MXI1: variants seen among roughly 807,000 people sequenced by gnomAD.
MXI1 encodes the protein MAX interactor 1, dimerization protein, also known as max-interacting protein 1.
MXI1 carries 18 observed loss-of-function variants against 36.9 expected under a neutral mutation model. That is an observed-to-expected ratio of 0.49 (90% CI 0.34 to 0.72). MXI1 has a LOEUF of 0.72. Ranked by LOEUF, MXI1 falls within the 30% of genes least tolerant of loss-of-function variation. The probability of loss-of-function intolerance (pLI) is 0.01; values close to 1 mark genes in which losing one functional copy is unlikely to be tolerated. For missense variants in MXI1, 304 were observed against 379.1 expected (o/e 0.80, Z 1.64); for synonymous variants, 160 against 146.7 (o/e 1.09, Z -0.65).
chr10:110,231,789 G>C (rs1855274430), intron 2 of MXI1, among the ~76,000 whole-genome samples: 1 of 152,078 alleles, frequency 6.6e-6, no homozygotes, highest in Non-Finnish European at 1.5e-5. Flanking sequence ...AAAATCTCAA[G>C]GTCTGTCATC....
At chr10:110,234,179 A>G (rs1326471654) in intron 2 of MXI1, among the ~76,000 whole-genome samples, 4 of 152,152 alleles carry the variant, frequency 2.6e-5, no homozygotes, top group Non-Finnish European at 5.9e-5. Context: ...GTTGACTGGA[A>G]GAAAGCTTTC....
At chr10:110,259,460 G>A (rs1856430209) in intron 3 of MXI1, among the ~76,000 whole-genome samples, 1 of 152,030 alleles carries the variant, frequency 6.6e-6, no homozygotes, top group Admixed American at 6.6e-5. Context: ...ATATTGTAAA[G>A]GAATTTGTCC....
chr10:110,238,667 A>G (rs761821547), intron 2 of MXI1, among the ~76,000 whole-genome samples: 6 of 152,116 alleles, frequency 3.9e-5, no homozygotes, highest in Admixed American at 2.6e-4. Context: ...AAATTTGCCA[A>G]TGAAGAACTT....
At chr10:110,284,709 G>T (rs1857380734) in intron 5 of MXI1, 115 bp from the exon 6 acceptor site, 4 of 1,003,146 alleles carry the variant, frequency 4.0e-6, no homozygotes, top group Non-Finnish European at 5.6e-6. Flanking sequence ...AGACATCACT[G>T]ATAATAAGCT....
intron 1 of MXI1, among the ~76,000 whole-genome samples, chr10:110,222,792 C>T (rs967155521): frequency 3.3e-5 from 5 of 152,314 alleles, no homozygotes; most frequent in South Asian, 4.1e-4. Flanking sequence ...TGGGTTCCTC[C>T]GGGCTGAGAC....
Position 110,286,993 on chromosome 10 carries a change from C to G in MXI1, c.*2006C>G, listed in dbSNP as rs1857437748. ...ACTAATGGCTGAGTCAAGATGTTGT[C>G]TCTGTGTTTGCTTACTCTTGATCAA... On this transcript the variant is annotated 3_prime_UTR_variant, in exon 6 of 6. Transcript: ENST00000332674. 6.6e-6 allele frequency: 1 copy of G among 152,152 alleles called. No individual in the cohort carries two copies. The highest frequency in any genetic ancestry group is 1.5e-5 in the Non-Finnish European group (1 of 68,024). The allele number at this position is 152,152 out of a possible 1,614,324, so 9.4% of individuals were successfully genotyped here. A position where few individuals can be genotyped will look rare whatever the true frequency, so the allele number is the denominator to read the frequency against.
chr10:110,230,465 C>CT (rs1413845402), intron 2 of MXI1, among the ~76,000 whole-genome samples: 1 of 151,910 alleles, frequency 6.6e-6, no homozygotes, highest in Non-Finnish European at 1.5e-5. Flanking sequence ...GGAGAAGATA[C>CT]TTTTTTTATG....
chr10:110,270,718 G>T (rs1026009855), intron 3 of MXI1, among the ~76,000 whole-genome samples: 12 of 151,864 alleles, frequency 7.9e-5, no homozygotes, highest in Non-Finnish European at 5.9e-5. Flanking sequence ...CTAGTCCTAG[G>T]CCCCTTTCAC....
intron 2 of MXI1, among the ~76,000 whole-genome samples, chr10:110,239,553 T>G (rs1296946444): frequency 6.6e-6 from 1 of 152,196 alleles, no homozygotes; most frequent in African/African-American, 2.4e-5. Context: ...CTAATTAGCT[T>G]ACTGTTGCTG....
chr10:110,220,612 A>G (rs1241774546), intron 1 of MXI1, among the ~76,000 whole-genome samples: 1 of 152,154 alleles, frequency 6.6e-6, no homozygotes, highest in East Asian at 1.9e-4. Flanking sequence ...AGCTCCTGGC[A>G]GGGGAGGGAG....
chr10:110,244,996 A>T (rs957392863), intron 3 of MXI1, 139 bp downstream of exon 3: 1 of 765,350 alleles, frequency 1.3e-6, no homozygotes, highest in African/African-American at 1.8e-5. Flanking sequence ...TCTGATATAT[A>T]TGTATTTTCT....
intron 3 of MXI1, among the ~76,000 whole-genome samples, chr10:110,256,705 C>T (rs191831558): frequency 1.1e-4 from 16 of 151,196 alleles, no homozygotes; most frequent in African/African-American, 3.6e-4. Flanking sequence ...TATAAGATAC[C>T]ACTTCACAGT....
At chr10:110,225,712 T>C (rs1299900529) in intron 1 of MXI1, among the ~76,000 whole-genome samples, 1 of 152,002 alleles carries the variant, frequency 6.6e-6, no homozygotes, top group East Asian at 1.9e-4. Context: ...CCATTCCACA[T>C]CGTGTCTGGA....
At chr10:110,273,360 C>T (rs537177829) in intron 3 of MXI1, among the ~76,000 whole-genome samples, 1 of 152,182 alleles carries the variant, frequency 6.6e-6, no homozygotes, top group South Asian at 2.1e-4. Flanking sequence ...GTTTAGCTTT[C>T]TTATTTCATG....
At chr10:110,267,898 A>T (rs3793889) in intron 3 of MXI1, among the ~76,000 whole-genome samples, 1 of 152,150 alleles carries the variant, frequency 6.6e-6, no homozygotes, top group Non-Finnish European at 1.5e-5. Context: ...TTATTTTCCA[A>T]AATGTCAAAG....
chr10:110,228,570 C>G (rs1218231857), intron 2 of MXI1, among the ~76,000 whole-genome samples: 1 of 152,156 alleles, frequency 6.6e-6, no homozygotes, highest in Non-Finnish European at 1.5e-5. Flanking sequence ...AGTTGAGAGA[C>G]TTGGCAGCAT....
intron 1 of MXI1, among the ~76,000 whole-genome samples, chr10:110,220,565 G>T (rs1854777992): frequency 6.6e-6 from 1 of 152,198 alleles, no homozygotes; most frequent in Non-Finnish European, 1.5e-5. Context: ...GAAAAGGGTG[G>T]TGATGCCAAG....
chr10:110,272,005 C>T (rs1442050126), intron 3 of MXI1, among the ~76,000 whole-genome samples: 1 of 152,154 alleles, frequency 6.6e-6, no homozygotes, highest in Non-Finnish European at 1.5e-5. Context: ...CCTCTCCAAA[C>T]CTTTGAGAGA....
At chr10:110,215,043 GTTTTTTTTTTT>G (rs200181611) in intron 1 of MXI1, among the ~76,000 whole-genome samples, 12 of 78,906 alleles carry the variant, frequency 1.5e-4, no homozygotes, top group Admixed American at 1.2e-3. Flanking sequence ...TTTTTTTTTT[GTTTTTTTTTTT>G]TTTTTGAGAT....
Sources: gnomAD v4.1 joint callset for allele counts (sites outside exome capture counted in the v4.1 genomes callset) on GRCh38, gnomAD v4.1.1 for gene constraint, MANE v1.5 for transcripts, NCBI Gene and HGNC (gene_info 2026-07-23, HGNC 2026-07-21) for gene names.